The following MYO18A variants were observed in gnomAD, a reference collection of about 807,000 sequenced individuals.
MYO18A encodes unconventional myosin-XVIIIa.
MYO18A carries 78 observed loss-of-function variants against 235.8 expected under a neutral mutation model. The ratio of observed to expected loss-of-function variants is 0.33; its 90% confidence interval spans 0.28 to 0.40. MYO18A has a LOEUF of 0.40. MYO18A is among the 10% of genes least tolerant of loss of function. The pLI is 1.00. For synonymous variants in MYO18A, 977 were observed against 1,077.8 expected, an observed-to-expected ratio of 0.91 and a Z score of 1.83; for missense variants, 2,215 against 2,699.3, an observed-to-expected ratio of 0.82 and a Z score of 3.98.
At chr17:29,086,789 C>T in intron 38 of MYO18A, 147 bp downstream of exon 38, 2 of 1,168,060 alleles carry the variant, frequency 1.7e-6, no homozygotes, top group South Asian at 3.2e-5. Context: ...CTGGCCTGCC[C>T]TCTTGATATG....
intron 2 of MYO18A, among the ~76,000 whole-genome samples, chr17:29,135,261 C>A (rs1173246032): frequency 1.3e-5 from 2 of 152,034 alleles, no homozygotes; most frequent in Admixed American, 6.5e-5. Flanking sequence ...CCACCATGCC[C>A]AGCTAATTTT....
chr17:29,080,811 C>G (rs1413924944), intron 41 of MYO18A: 3 of 985,494 alleles, frequency 3.0e-6, no homozygotes, highest in Non-Finnish European at 3.6e-6. Context: ...ATGGCTCCTC[C>G]CTGGGGCCCA....
At chr17:29,165,804 C>T in intron 2 of MYO18A, 138 bp downstream of exon 2, 1 of 849,458 alleles carries the variant, frequency 1.2e-6, no homozygotes, top group African/African-American at 1.7e-5. Flanking sequence ...CCCACAGGCT[C>T]AGAGAGCAGC....
chr17:29,081,709 G>A (rs145783570), intron 41 of MYO18A, among the ~76,000 whole-genome samples: 12 of 152,338 alleles, frequency 7.9e-5, no homozygotes, highest in African/African-American at 2.6e-4. Context: ...AGATGGGCAA[G>A]GGGAAGCTCT....
At chr17:29,174,039 G>A (rs1296392070) in intron 1 of MYO18A, among the ~76,000 whole-genome samples, 1 of 152,166 alleles carries the variant, frequency 6.6e-6, no homozygotes, top group Non-Finnish European at 1.5e-5. Context: ...CTCCTGAGTA[G>A]CTAGGATTAC....
At chr17:29,089,925 C>G in intron 37 of MYO18A, 36 bp downstream of exon 37, 1 of 1,613,384 alleles carries the variant, frequency 6.2e-7, no homozygotes, top group Non-Finnish European at 8.5e-7. Context: ...GCAGCTCTGC[C>G]CTGTTTGGTG....
rs1298489696 is a variant in MYO18A at position 29,124,681 on chromosome 17, G to A, written c.1000-2428C>T. On this transcript the variant is annotated intron_variant, in intron 2 of 41. Coordinates refer to ENST00000527372, the MANE Select transcript of MYO18A (RefSeq NM_078471.4). ...GCTGTGGGCATGAGAGGCGGCCTCA[G>A]AGTCCAGCTACCGACAGCAAGCAAA... 5 of 1,285,416 alleles carry A rather than the reference G, an allele frequency of 3.9e-6. No individual in the cohort carries two copies. The African/African-American group carries it at 7.6e-5, about 20-fold the overall frequency. 79.6% of individuals were successfully genotyped at this position (1,285,416 alleles called of 1,614,324 possible). A position where few individuals can be genotyped will look rare whatever the true frequency, so the allele number is the denominator to read the frequency against.
intron 2 of MYO18A, among the ~76,000 whole-genome samples, chr17:29,143,791 C>T (rs961933036): frequency 6.6e-6 from 1 of 152,238 alleles, no homozygotes; most frequent in African/African-American, 2.4e-5. Context: ...TGAACCCAAT[C>T]CATTTCTGCT....
chr17:29,166,594 G>A lies in MYO18A; in HGVS notation c.347C>T (p.Ser116Leu), dbSNP rs1252921042. 1 of 1,613,830 alleles carries A rather than the reference G, an allele frequency of 6.2e-7. No homozygotes were observed. The highest frequency in any genetic ancestry group is 2.2e-5 in the East Asian group (1 of 44,888). Residue 116 changes from serine to leucine, a missense_variant, in exon 2 of 42, where the codon TCG becomes TTG. Coordinates refer to ENST00000527372, the MANE Select transcript of MYO18A (RefSeq NM_078471.4). ...LKGEEGSFRG[S>L]VLQRAAKFGS... is the part of the protein sequence containing the mutation. ...GAACTTGGCTGCCCGCTGCAGCACC[G>A]AGCCACGGAAGCTACCCTCCTCACC...
chr17:29,118,931 C>A lies in MYO18A; in HGVS notation c.1829+404G>T, dbSNP rs956888848. Among the ~76,000 whole-genome samples, 2 of 152,164 alleles carry A rather than the reference C, an allele frequency of 1.3e-5. No homozygotes were observed. The highest frequency in any genetic ancestry group is 2.9e-5 in the Non-Finnish European group (2 of 68,032). ...ACTGGAAGAGGCATGGGCTTTTGGC[C>A]CCAGTGTGGATTCAAATACCAGTTC... On this transcript the variant is annotated intron_variant, in intron 8 of 41. Coordinates refer to ENST00000527372, the MANE Select transcript of MYO18A (RefSeq NM_078471.4). The surrounding 1 kb of genome is among the most constrained non-coding windows in gnomAD (Gnocchi z 4.2).
At chr17:29,102,800 C>G (rs1359878387) in intron 21 of MYO18A, among the ~76,000 whole-genome samples, 1 of 152,226 alleles carries the variant, frequency 6.6e-6, no homozygotes, top group African/African-American at 2.4e-5. Flanking sequence ...GAGACTCAAG[C>G]CTCTGCAAGC....
intron 41 of MYO18A, chr17:29,078,113 T>G (rs933954054): frequency 1.3e-5 from 2 of 151,740 alleles, no homozygotes; most frequent in African/African-American, 4.9e-5. Context: ...GCCTCCCGGG[T>G]TCAAGCGATT....
Position 29,094,025 on chromosome 17 carries a change from A to G in MYO18A, c.4776T>C (p.Ser1592=). 6.2e-7 allele frequency: 1 copy of G among 1,611,684 alleles called. No individual in the cohort carries two copies. The highest frequency in any genetic ancestry group is 8.5e-7 in the Non-Finnish European group (1 of 1,179,204). ...GGGCCTCCTCCACCTCCTCATCCCGACTCTCCATCTCCTTAGAATGGGTCT... is the reference window on the plus strand; with the variant it reads ...GGGCCTCCTCCACCTCCTCATCCCGGCTCTCCATCTCCTTAGAATGGGTCT... ...MRQTHSKEME[S]RDEEVEEARQ... The change falls in exon 31 of 42, where the codon AGT becomes AGC. Residue 1592 remains serine, a synonymous_variant. Coordinates refer to ENST00000527372, the MANE Select transcript of MYO18A (RefSeq NM_078471.4).
At chr17:29,113,971 G>A (rs1160393563) in intron 15 of MYO18A, 40 bp downstream of exon 15, 16 of 1,495,854 alleles carry the variant, frequency 1.1e-5, no homozygotes, top group South Asian at 3.6e-5. Context: ...GGTGGGGAAC[G>A]AGAGGAAAGG....
At chr17:29,144,941 T>C (rs1287956655) in intron 2 of MYO18A, among the ~76,000 whole-genome samples, 1 of 152,190 alleles carries the variant, frequency 6.6e-6, no homozygotes, top group East Asian at 1.9e-4. Flanking sequence ...TTTGGTATAA[T>C]ATAGCTGCAG....
At chr17:29,170,403 C>T (rs147724703) in intron 1 of MYO18A, among the ~76,000 whole-genome samples, 10 of 152,356 alleles carry the variant, frequency 6.6e-5, no homozygotes, top group African/African-American at 2.4e-4. Flanking sequence ...AGGATCAGAT[C>T]TGCAATGCGA....
intron 2 of MYO18A, among the ~76,000 whole-genome samples, chr17:29,138,098 C>A (rs969354571): frequency 3.3e-5 from 5 of 152,138 alleles, no homozygotes; most frequent in Non-Finnish European, 7.4e-5. Context: ...CCTTAACCTG[C>A]ACTCTCTGGG....
intron 27 of MYO18A, 74 bp from the exon 28 acceptor site, chr17:29,096,989 G>T (rs116925844): frequency 0.021 from 30,079 of 1,460,602 alleles, 475 homozygotes; most frequent in Non-Finnish European, 0.023. Flanking sequence ...GAGGGAAGTG[G>T]GTGAGTGAGG....
Position 29,111,881 on chromosome 17 carries a change from A to G in MYO18A, c.2599-18T>C. The G allele has an allele frequency of 6.2e-7, 1 of 1,602,116 alleles. No homozygotes were observed. The highest frequency in any genetic ancestry group is 8.5e-7 in the Non-Finnish European group (1 of 1,174,148). On this transcript the variant is annotated intron_variant, in intron 15 of 41. Transcript: ENST00000527372. This position sits in a 1 kb window ranked among gnomAD's most constrained non-coding sequence, Gnocchi z 5.1. The stretch of plus-strand genomic sequence containing the variant: ...GAGCGGACCTACAGAGAAGGAAGGA[A>G]ATCCCTCCTTGTCATATGGAGCTGT...
Sources: gnomAD v4.1 joint callset for allele counts (sites outside exome capture counted in the v4.1 genomes callset) on GRCh38, gnomAD v4.1.1 for gene constraint, Gnocchi (gnomAD v3.1) non-coding constraint, MANE v1.5 for transcripts, NCBI Gene and HGNC (gene_info 2026-07-23, HGNC 2026-07-21) for gene names.